The following NEK11 variants were observed in gnomAD, a reference collection of about 807,000 sequenced individuals.
NEK11 encodes NIMA related kinase 11.
Under a neutral mutation model 80.7 loss-of-function variants are expected in NEK11, and 72 were observed. The ratio of observed to expected loss-of-function variants is 0.89; its 90% CI spans 0.74 to 1.08. The LOEUF is 1.08. Ranked by LOEUF, NEK11 falls within the 50% of genes least tolerant of loss-of-function variation. The probability of loss-of-function intolerance (pLI) is 0.00; values close to 1 mark genes in which losing one functional copy is unlikely to be tolerated. For synonymous variants in NEK11, 251 were observed against 260.7 expected (o/e 0.96, Z 0.36); for missense variants, 764 against 763.6 (o/e 1.00, Z -0.01).
intron 16 of NEK11, among the ~76,000 whole-genome samples, chr3:131,250,481 G>A (rs2095680488): frequency 6.6e-6 from 1 of 151,996 alleles, no homozygotes. Flanking sequence ...TCAAAAATGA[G>A]GTCTGAAAAA....
chr3:131,254,814 G>T (rs2095774052), intron 16 of NEK11, among the ~76,000 whole-genome samples: 1 of 152,102 alleles, frequency 6.6e-6, no homozygotes, highest in Non-Finnish European at 1.5e-5. Context: ...GAGGTCAGGA[G>T]TTCAAGACCA....
At chr3:131,259,192 G>A (rs559388940) in intron 16 of NEK11, among the ~76,000 whole-genome samples, 52 of 152,198 alleles carry the variant, frequency 3.4e-4, no homozygotes, top group Non-Finnish European at 5.6e-4. Context: ...AAGCATTTGA[G>A]GTTGTTCTCT....
intron 5 of NEK11, among the ~76,000 whole-genome samples, chr3:131,112,561 T>G (rs979311743): frequency 2.6e-5 from 4 of 152,170 alleles, no homozygotes. Flanking sequence ...TGCATTTTAA[T>G]GTAAGTTATA....
intron 17 of NEK11, among the ~76,000 whole-genome samples, chr3:131,345,334 CAACTT>C (rs1364528896): frequency 2.0e-5 from 3 of 152,252 alleles, no homozygotes; most frequent in Middle Eastern, 3.4e-3. Context: ...AAAACTCTTA[CAACTT>C]AACTGCAAAA....
intron 16 of NEK11, among the ~76,000 whole-genome samples, chr3:131,265,865 G>A (rs550253667): frequency 6.6e-6 from 1 of 152,124 alleles, no homozygotes; most frequent in Non-Finnish European, 1.5e-5. Flanking sequence ...TGGTTGGTAG[G>A]CTGTTAATTA....
At position 131,237,635 on chromosome 3, in the gene NEK11, G is replaced by A. The variant is rs147712298; in HGVS notation, c.1561-5801G>A. On this transcript the variant is annotated intron_variant, in intron 15 of 17. Coordinates refer to ENST00000383366, the MANE Select transcript of NEK11 (RefSeq NM_024800.5). ...TAGACATCCTGAAATAAGCATGTAC[G>A]AAAGAACTCTAGACTCACATATCCA... is the stretch of plus-strand genomic sequence containing the variant. 2.4e-3 allele frequency among the ~76,000 whole-genome samples: 370 copies of A among 151,430 alleles called. 1 individual carries two copies. The highest frequency in any genetic ancestry group is 8.1e-3 in the African/African-American group (334 of 41,266).
At chr3:131,326,995 C>CA (rs2096978549) in intron 17 of NEK11, among the ~76,000 whole-genome samples, 1 of 152,116 alleles carries the variant, frequency 6.6e-6, no homozygotes, top group African/African-American at 2.4e-5. Flanking sequence ...GAGGACACAG[C>CA]AAAAAAGTGC....
intron 14 of NEK11, among the ~76,000 whole-genome samples, chr3:131,210,428 G>T (rs1422312778): frequency 3.3e-5 from 5 of 152,202 alleles, no homozygotes; most frequent in Non-Finnish European, 7.4e-5. Flanking sequence ...GCAACGTGGT[G>T]CTGAGAAGAA....
At chr3:131,114,024 G>A (rs2080589675) in intron 5 of NEK11, among the ~76,000 whole-genome samples, 1 of 151,854 alleles carries the variant, frequency 6.6e-6, no homozygotes, top group South Asian at 2.1e-4. Flanking sequence ...GGAGTGAGGA[G>A]GGGGAGGAAG....
At chr3:131,132,073 C>T (rs1218186524) in intron 5 of NEK11, among the ~76,000 whole-genome samples, 1 of 151,934 alleles carries the variant, frequency 6.6e-6, no homozygotes, top group African/African-American at 2.4e-5. Flanking sequence ...TATGATTTCT[C>T]TTCTTTCAAA....
intron 15 of NEK11, among the ~76,000 whole-genome samples, chr3:131,241,722 C>A (rs1293683722): frequency 6.6e-6 from 1 of 151,950 alleles, no homozygotes; most frequent in Non-Finnish European, 1.5e-5. Flanking sequence ...TATAGACACA[C>A]ATACCGTACA....
Position 131,152,400 on chromosome 3 carries a change from C to T in NEK11, c.660C>T (p.Cys220=). ...ACTTTGTCTTCAGGTCACTGGCATGCATTTTGTATGAGATGTGCTGCATGA... is the reference window on the plus strand; with the variant it reads ...ACTTTGTCTTCAGGTCACTGGCATGTATTTTGTATGAGATGTGCTGCATGA... The part of the protein sequence containing the change: ...DTKSDIWSLA[C]ILYEMCCMNH... The change falls in exon 8 of 18, where the codon TGC becomes TGT. Residue 220 remains cysteine (C), a synonymous_variant. Transcript: ENST00000383366. 1 of 1,600,002 alleles carries T rather than the reference C, an allele frequency of 6.2e-7. No homozygotes were observed. Among genetic ancestry groups the T allele is most frequent in the African/African-American group, 1.3e-5 (1 of 74,196 alleles).
chr3:131,058,367 T>C (rs2148774837), intron 3 of NEK11, among the ~76,000 whole-genome samples: 1 of 152,266 alleles, frequency 6.6e-6, no homozygotes, highest in Middle Eastern at 3.4e-3. Context: ...GACTTGGCGA[T>C]GCGGGCTCTT....
intron 4 of NEK11, among the ~76,000 whole-genome samples, chr3:131,089,208 G>A (rs2076400461): frequency 6.6e-6 from 1 of 152,142 alleles, no homozygotes; most frequent in South Asian, 2.1e-4. Flanking sequence ...GAGTCACGAA[G>A]GATGCTTGTT....
intron 4 of NEK11, among the ~76,000 whole-genome samples, chr3:131,108,324 C>T (rs2079521987): frequency 6.6e-6 from 1 of 152,156 alleles, no homozygotes. Context: ...TTAACAACAA[C>T]TCTGTCATGA....
intron 6 of NEK11, 78 bp from the exon 7 acceptor site, chr3:131,133,752 C>A: frequency 9.2e-7 from 1 of 1,083,434 alleles, no homozygotes; most frequent in Non-Finnish European, 1.4e-6. Flanking sequence ...TCAAATTAGG[C>A]ACTCATTCAG....
At chr3:131,028,904 T>A (rs1283585688) in intron 2 of NEK11, among the ~76,000 whole-genome samples, 1 of 152,234 alleles carries the variant, frequency 6.6e-6, no homozygotes, top group East Asian at 1.9e-4. Context: ...CCCTGAGGAA[T>A]TACAGATTTA....
chr3:131,131,730 T>A (rs1041621378), intron 5 of NEK11, among the ~76,000 whole-genome samples: 1 of 152,078 alleles, frequency 6.6e-6, no homozygotes, highest in Admixed American at 6.5e-5. Context: ...TCTGCTGTAA[T>A]ATTTCTCCTT....
Position 131,164,361 on chromosome 3 carries a change from T to C in NEK11, c.1083-1065T>C, listed in dbSNP as rs573239890. The stretch of plus-strand genomic sequence containing the variant: ...CAATCTGCTCTTGAGCCAATACAAG[T>C]TGGATTCTGCAAACCACTATGACAT... On this transcript the variant is annotated intron_variant, in intron 11 of 17. Transcript: ENST00000383366. 1.2e-4 allele frequency among the ~76,000 whole-genome samples: 18 copies of C among 152,318 alleles called. No individual in the cohort carries two copies. The South Asian group carries it at 3.7e-3, about 32-fold the overall frequency.
Sources: allele counts gnomAD v4.1 joint callset (sites outside exome capture counted in the v4.1 genomes callset), GRCh38; gene constraint gnomAD v4.1.1; transcripts MANE v1.5; gene names NCBI Gene and HGNC (gene_info 2026-07-23, HGNC 2026-07-21).